Variants in L3MBTL4 observed in about 807,000 individuals in gnomAD.
L3MBTL4 encodes L3MBTL histone methyl-lysine binding protein 4.
A neutral mutation model predicts 84.5 loss-of-function variants in L3MBTL4; 70 were observed. The ratio of observed to expected loss-of-function variants is 0.83; its 90% CI spans 0.68 to 1.01. L3MBTL4 has a LOEUF of 1.01. Ranked by LOEUF, L3MBTL4 falls within the 50% of genes least tolerant of loss-of-function variation. L3MBTL4 has a pLI of 0.00. For synonymous variants in L3MBTL4, 274 were observed against 259.8 expected, an observed-to-expected ratio of 1.05 and a Z score of -0.52; for missense variants, 715 against 754.8, an observed-to-expected ratio of 0.95 and a Z score of 0.62.
chr18:6,042,046 C>T (rs2056425651), intron 16 of L3MBTL4, among the ~76,000 whole-genome samples: 1 of 152,142 alleles, frequency 6.6e-6, no homozygotes, highest in Non-Finnish European at 1.5e-5. Context: ...CGAACTTCCG[C>T]TTCCTTCAAT....
intron 4 of L3MBTL4, among the ~76,000 whole-genome samples, chr18:6,289,660 G>A (rs1167599684): frequency 6.6e-6 from 1 of 152,012 alleles, no homozygotes; most frequent in Admixed American, 6.6e-5. Context: ...TTCTCCCCTT[G>A]AGAAGGACTG....
intron 14 of L3MBTL4, among the ~76,000 whole-genome samples, chr18:6,110,458 G>T (rs2059155115): frequency 1.3e-5 from 2 of 151,818 alleles, no homozygotes; most frequent in African/African-American, 4.8e-5. Flanking sequence ...TATGTGGGGG[G>T]TTGTATGTGT....
At chr18:5,962,669 G>A (rs2095269381) in intron 17 of L3MBTL4, among the ~76,000 whole-genome samples, 1 of 152,312 alleles carries the variant, frequency 6.6e-6, no homozygotes, top group East Asian at 1.9e-4. Context: ...GAGCTTCCCA[G>A]TTGGTTCCAG....
chr18:6,133,303 G>A (rs1285536550), intron 14 of L3MBTL4, among the ~76,000 whole-genome samples: 1 of 151,214 alleles, frequency 6.6e-6, no homozygotes, highest in Non-Finnish European at 1.5e-5. Flanking sequence ...GGGGACTAAC[G>A]AGTACCATAG....
chr18:6,232,518 T>C (rs2047039929), intron 10 of L3MBTL4, among the ~76,000 whole-genome samples: 1 of 152,060 alleles, frequency 6.6e-6, no homozygotes, highest in South Asian at 2.1e-4. Context: ...CTTTTCTTTG[T>C]CAGGAGGTTT....
At chr18:6,058,806 T>G (rs571779484) in intron 16 of L3MBTL4, among the ~76,000 whole-genome samples, 1 of 152,176 alleles carries the variant, frequency 6.6e-6, no homozygotes, top group Non-Finnish European at 1.5e-5. Context: ...AAAGCCAACA[T>G]GCATGTTAAT....
chr18:6,360,019 T>C (rs2143981880), intron 1 of L3MBTL4, among the ~76,000 whole-genome samples: 1 of 152,270 alleles, frequency 6.6e-6, no homozygotes, highest in Admixed American at 6.5e-5. Context: ...AAAAGGTAAT[T>C]CTCTGTTTCA....
At chr18:6,374,798 C>T (rs967496380) in intron 1 of L3MBTL4, among the ~76,000 whole-genome samples, 2 of 152,116 alleles carry the variant, frequency 1.3e-5, no homozygotes, top group African/African-American at 4.8e-5. Context: ...CCATTTCCCT[C>T]AACACTGCCA....
At chr18:6,347,731 G>C (rs1476368448) in intron 1 of L3MBTL4, among the ~76,000 whole-genome samples, 2 of 151,724 alleles carry the variant, frequency 1.3e-5, no homozygotes, top group African/African-American at 4.8e-5. Flanking sequence ...GTGAATTATT[G>C]ACAGCTTTTC....
At chr18:6,334,375 T>G (rs1008670072) in intron 1 of L3MBTL4, among the ~76,000 whole-genome samples, 8 of 152,132 alleles carry the variant, frequency 5.3e-5, no homozygotes, top group African/African-American at 1.9e-4. Context: ...AGGGTGATAC[T>G]CTACAGGAAA....
intron 12 of L3MBTL4, among the ~76,000 whole-genome samples, chr18:6,195,334 A>G (rs940813879): frequency 6.6e-6 from 1 of 152,210 alleles, no homozygotes; most frequent in Non-Finnish European, 1.5e-5. Context: ...GCACATGTGG[A>G]TGTCCGCTAC....
At chr18:6,093,286 T>C (rs2058518406) in intron 15 of L3MBTL4, 69 bp downstream of exon 15, 2 of 1,226,602 alleles carry the variant, frequency 1.6e-6, no homozygotes, top group Non-Finnish European at 2.2e-6. Flanking sequence ...CTATTACTAT[T>C]AACAAAATTG....
At chr18:6,014,813 T>A (rs1324716894) in intron 16 of L3MBTL4, among the ~76,000 whole-genome samples, 1 of 152,152 alleles carries the variant, frequency 6.6e-6, no homozygotes, top group Non-Finnish European at 1.5e-5. Flanking sequence ...CTTGATTACA[T>A]CTGACTTTCA....
intron 4 of L3MBTL4, among the ~76,000 whole-genome samples, chr18:6,296,408 A>C (rs965305823): frequency 6.6e-6 from 1 of 152,252 alleles, no homozygotes; most frequent in African/African-American, 2.4e-5. Context: ...CATCTAACTT[A>C]GGTAGGAGAT....
At chr18:6,159,107 T>G (rs567585671) in intron 13 of L3MBTL4, among the ~76,000 whole-genome samples, 6 of 152,332 alleles carry the variant, frequency 3.9e-5, no homozygotes, top group Non-Finnish European at 7.3e-5. Context: ...CATCTATTTT[T>G]GGGCTTTGCT....
At chr18:6,038,461 A>T (rs899575765) in intron 16 of L3MBTL4, among the ~76,000 whole-genome samples, 6 of 151,778 alleles carry the variant, frequency 4.0e-5, no homozygotes, top group African/African-American at 1.5e-4. Flanking sequence ...TCACTGTGTT[A>T]GCCAGGATGG....
intron 1 of L3MBTL4, among the ~76,000 whole-genome samples, chr18:6,400,372 G>A (rs770019608): frequency 6.6e-6 from 1 of 152,120 alleles, no homozygotes; most frequent in African/African-American, 2.4e-5. Flanking sequence ...AAAGTCCAGG[G>A]GTTATATTGA....
At chr18:6,032,964 A>G (rs1046086970) in intron 16 of L3MBTL4, among the ~76,000 whole-genome samples, 1 of 152,168 alleles carries the variant, frequency 6.6e-6, no homozygotes, top group African/African-American at 2.4e-5. Flanking sequence ...GTCCTGGAGA[A>G]TGTTTCTTGT....
intron 13 of L3MBTL4, among the ~76,000 whole-genome samples, chr18:6,168,827 G>A (rs1482334373): frequency 6.6e-6 from 1 of 152,186 alleles, no homozygotes; most frequent in Non-Finnish European, 1.5e-5. Flanking sequence ...ATTGACAAAT[G>A]GGATCTAACT....
Sources: gnomAD v4.1 joint callset for allele counts (sites outside exome capture counted in the v4.1 genomes callset) on GRCh38, gnomAD v4.1.1 for gene constraint, MANE v1.5 for transcripts, NCBI Gene and HGNC (gene_info 2026-07-23, HGNC 2026-07-21) for gene names.